JAK2: variants seen among roughly 807,000 people sequenced by gnomAD.
JAK2 encodes tyrosine-protein kinase JAK2.
In JAK2, 86 loss-of-function variants were observed where a neutral mutation model predicts 139.3. That is an observed-to-expected ratio of 0.62 (90% CI 0.52 to 0.74). The LOEUF is 0.74. Ranked by LOEUF, JAK2 falls within the 30% of genes least tolerant of loss-of-function variation. The pLI is 0.00. For synonymous variants in JAK2, 490 were observed against 437.7 expected (o/e 1.12, Z -1.49); for missense variants, 1,421 against 1,360.3 (o/e 1.04, Z -0.70).
intron 4 of JAK2, among the ~76,000 whole-genome samples, chr9:5,042,990 G>T (rs1184146063): frequency 6.6e-6 from 1 of 152,242 alleles, no homozygotes; most frequent in African/African-American, 2.4e-5. Context: ...AGCTGAGGGG[G>T]GTGGGCCGGC....
chr9:5,015,538 C>CTT (rs35167433), intron 2 of JAK2, among the ~76,000 whole-genome samples: 2 of 109,650 alleles, frequency 1.8e-5, no homozygotes, highest in African/African-American at 3.0e-5. Context: ...TTTTTCTTTT[C>CTT]TTTTTTTTTT....
intron 5 of JAK2, among the ~76,000 whole-genome samples, chr9:5,047,674 T>G (rs1040256573): frequency 5.3e-5 from 8 of 152,198 alleles, no homozygotes; most frequent in Non-Finnish European, 7.3e-5. Flanking sequence ...TTATAGAGAT[T>G]GAACTCCTGG....
At chr9:4,994,861 TA>T (rs1012141262) in intron 2 of JAK2, among the ~76,000 whole-genome samples, 10 of 152,146 alleles carry the variant, frequency 6.6e-5, no homozygotes, top group East Asian at 1.9e-4. Flanking sequence ...TATTCTTTCA[TA>T]AAAAAATTAT....
chr9:5,093,785 G>A (rs1280318666), intron 22 of JAK2, among the ~76,000 whole-genome samples: 7 of 152,118 alleles, frequency 4.6e-5, no homozygotes, highest in African/African-American at 1.2e-4. Flanking sequence ...TTACGACCTC[G>A]ATGTTGGATC....
chr9:5,070,194 A>T, intron 12 of JAK2, 142 bp downstream of exon 12: 3 of 492,296 alleles, frequency 6.1e-6, no homozygotes, highest in Non-Finnish European at 1.0e-5. Flanking sequence ...TATGAAAAAT[A>T]TGCCAACCTT....
rs1326376532 is a variant in JAK2 at position 4,985,372 on chromosome 9, C to G, written c.-367C>G. 1.3e-5 allele frequency: 2 copies of G among 152,440 alleles called. No homozygotes were observed. The highest frequency in any genetic ancestry group is 2.9e-5 in the Non-Finnish European group (2 of 68,200). 9.4% of individuals were successfully genotyped at this position (152,440 alleles called of 1,614,324 possible). A position where few individuals can be genotyped will look rare whatever the true frequency, so the allele number is the denominator to read the frequency against. ...GGTGTTCGCGTCGCCACTTCGGCTT[C>G]TCGGCCGGTCGGGCCCCTCGGCCCG... On this transcript the variant is annotated 5_prime_UTR_variant, in exon 1 of 25. Transcript: ENST00000381652.
chr9:4,993,736 T>C (rs1820397031), intron 2 of JAK2, among the ~76,000 whole-genome samples: 1 of 152,224 alleles, frequency 6.6e-6, no homozygotes, highest in African/African-American at 2.4e-5. Flanking sequence ...TCCTTATCTG[T>C]TCCTGGCTAT....
At chr9:5,049,836 C>T (rs1395015892) in intron 5 of JAK2, among the ~76,000 whole-genome samples, 1 of 152,148 alleles carries the variant, frequency 6.6e-6, no homozygotes, top group African/African-American at 2.4e-5. Flanking sequence ...TTGCTCTAGG[C>T]TACAAACTTA....
At chr9:5,007,617 T>C (rs1195191674) in intron 2 of JAK2, among the ~76,000 whole-genome samples, 1 of 152,146 alleles carries the variant, frequency 6.6e-6, no homozygotes, top group Non-Finnish European at 1.5e-5. Context: ...ATACTTTTAT[T>C]AGGTTGACGC....
rs1817363484 is a variant in JAK2, at chr9:5,050,805, C to G, written c.588C>G (p.Thr196=). 2.5e-6 allele frequency: 4 copies of G among 1,613,476 alleles called. No individual in the cohort carries two copies. Among genetic ancestry groups the G allele is most frequent in the Non-Finnish European group, 3.4e-6 (4 of 1,179,574 alleles). The change falls in exon 6 of 25, where the codon ACC becomes ACG. Residue 196 remains threonine, a synonymous_variant. Coordinates refer to ENST00000381652, the MANE Select transcript of JAK2 (RefSeq NM_004972.4). ...MMRIAKENDQ[T]PLAIYNSISY... is the part of the protein sequence containing the mutation. ...GAATAGCCAAAGAAAACGATCAAAC[C>G]CCACTGGCCATCTATAACTCTATCA... is the stretch of plus-strand genomic sequence containing the variant.
At chr9:5,083,038 A>G (rs556571810) in intron 19 of JAK2, among the ~76,000 whole-genome samples, 22 of 152,376 alleles carry the variant, frequency 1.4e-4, no homozygotes, top group African/African-American at 4.3e-4. Context: ...TGTAATGTGC[A>G]TGAACATCTT....
intron 2 of JAK2, among the ~76,000 whole-genome samples, chr9:5,015,053 T>G (rs1201911886): frequency 6.6e-6 from 1 of 152,228 alleles, no homozygotes; most frequent in Non-Finnish European, 1.5e-5. Context: ...TTTCTATAAT[T>G]TACTGCTTTT....
chr9:5,044,109 G>T (rs1816823680), intron 4 of JAK2, among the ~76,000 whole-genome samples: 1 of 152,166 alleles, frequency 6.6e-6, no homozygotes, highest in Non-Finnish European at 1.5e-5. Context: ...ACTGGATTAA[G>T]CTATGTTTTT....
At position 5,054,487 on chromosome 9, in the gene JAK2, T is replaced by C; in HGVS notation, c.615-76T>C. The C allele has an allele frequency of 7.7e-7, 1 of 1,290,942 alleles. No individual in the cohort carries two copies. The highest frequency in any genetic ancestry group is 1.1e-6 in the Non-Finnish European group (1 of 931,128). The allele number at this position is 1,290,942 out of a possible 1,614,324, so 80.0% of individuals were successfully genotyped here. On this transcript the variant is annotated intron_variant, in intron 6 of 24. Transcript: ENST00000381652. The surrounding 1 kb of genome is among the most constrained non-coding windows in gnomAD (Gnocchi z 4.9). The stretch of plus-strand genomic sequence containing the variant: ...CTTAATCATGGAAAAAGGTGGTAAC[T>C]TCTTTTTCAATTTTTAGATTTATCT...
At chr9:5,041,282 T>TAC in intron 4 of JAK2, 1 of 1,055,532 alleles carries the variant, frequency 9.5e-7, no homozygotes. Context: ...GGCCAAGGGG[T>TAC]ACACTGGTCT....
Position 5,078,338 on chromosome 9 carries a change from T to G in JAK2, c.2025T>G (p.Cys675Trp), listed in dbSNP as rs1563981633. 1.2e-6 allele frequency: 2 copies of G among 1,612,468 alleles called. No individual in the cohort carries two copies. The highest frequency in any genetic ancestry group is 1.7e-6 in the Non-Finnish European group (2 of 1,178,922). ...EENTLIHGNV[C>W]AKNILLIREE... Reference sequence around the variant, plus strand: ...ACACCCTTATTCATGGGAATGTATGTGCCAAAAATATTCTGCTTATCAGAG... The same window carrying G: ...ACACCCTTATTCATGGGAATGTATGGGCCAAAAATATTCTGCTTATCAGAG... The change falls in exon 16 of 25, where the codon TGT becomes TGG. Residue 675 changes from cysteine (C) to tryptophan (W), a missense_variant. Cys to Trp is a radical substitution (Grantham distance 215). Coordinates refer to ENST00000381652, the MANE Select transcript of JAK2 (RefSeq NM_004972.4).
At chr9:5,082,553 C>G (rs374130339) in intron 19 of JAK2, among the ~76,000 whole-genome samples, 2 of 152,236 alleles carry the variant, frequency 1.3e-5, no homozygotes, top group Non-Finnish European at 1.5e-5. Flanking sequence ...TGGCCTTCCT[C>G]TTTTACTAAT....
intron 22 of JAK2, among the ~76,000 whole-genome samples, chr9:5,115,463 G>C (rs916873683): frequency 2.6e-5 from 4 of 152,158 alleles, no homozygotes; most frequent in Admixed American, 2.6e-4. Flanking sequence ...ATTGTTGATG[G>C]GAGTGTAAAT....
rs776986642 is a variant in JAK2 at position 5,080,386 on chromosome 9, T to C, written c.2283+6T>C. 1 of 1,605,906 alleles carries C rather than the reference T, an allele frequency of 6.2e-7. No homozygotes were observed. The highest frequency in any genetic ancestry group is 8.5e-7 in the Non-Finnish European group (1 of 1,175,862). ...GTGCTCTGGATTCTCAAAGAGTAAG[T>C]TTATATAGACTAAGTTAGAATTACT... is the stretch of plus-strand genomic sequence containing the variant. On this transcript the variant is annotated splice_donor_region_variant and intron_variant, in intron 17 of 24. Coordinates refer to ENST00000381652, the MANE Select transcript of JAK2 (RefSeq NM_004972.4).
Sources: allele counts gnomAD v4.1 joint callset (sites outside exome capture counted in the v4.1 genomes callset), GRCh38; gene constraint gnomAD v4.1.1; non-coding constraint Gnocchi (gnomAD v3.1); transcripts MANE v1.5; gene names NCBI Gene and HGNC (gene_info 2026-07-23, HGNC 2026-07-21).